The following PLD5 variants were observed in gnomAD, a reference collection of about 807,000 sequenced individuals.
The protein encoded by PLD5 is phospholipase D family member 5.
In PLD5, 36 loss-of-function variants were observed where a neutral mutation model predicts 61.1. The observed-to-expected ratio is 0.59, with a 90% CI of 0.45 to 0.78. The LOEUF (loss-of-function observed/expected upper bound fraction) is 0.78, where lower values mean the gene tolerates loss of function less well. Among genes scored for constraint, PLD5 ranks in the 30% least tolerant of loss-of-function variants. The pLI is 0.00. For missense variants in PLD5, 515 were observed against 644.4 expected, an observed-to-expected ratio of 0.80 and a Z score of 2.17; for synonymous variants, 243 against 242.8, an observed-to-expected ratio of 1.00 and a Z score of -0.01.
chr1:242,106,054 C>G (rs940808329), intron 8 of PLD5, among the ~76,000 whole-genome samples: 2 of 152,136 alleles, frequency 1.3e-5, no homozygotes, highest in Non-Finnish European at 2.9e-5. Flanking sequence ...TGGTTTGAAC[C>G]AGCAGGAGTA....
At chr1:242,366,521 G>T (rs990485379) in intron 1 of PLD5, among the ~76,000 whole-genome samples, 27 of 152,126 alleles carry the variant, frequency 1.8e-4, no homozygotes, top group Non-Finnish European at 3.4e-4. Context: ...CCTTTTCAAG[G>T]AGTTGTATTT....
intron 1 of PLD5, among the ~76,000 whole-genome samples, chr1:242,425,864 C>T (rs944617523): frequency 4.6e-5 from 7 of 151,916 alleles, no homozygotes; most frequent in African/African-American, 9.7e-5. Flanking sequence ...AGGATGGTCT[C>T]GATCTCCTGA....
intron 2 of PLD5, among the ~76,000 whole-genome samples, chr1:242,339,145 A>C (rs915867948): frequency 6.6e-6 from 1 of 152,168 alleles, no homozygotes; most frequent in African/African-American, 2.4e-5. Flanking sequence ...GTAATAATAC[A>C]TATTATCTCA....
At chr1:242,420,050 GCTC>G (rs1665053702) in intron 1 of PLD5, among the ~76,000 whole-genome samples, 1 of 152,060 alleles carries the variant, frequency 6.6e-6, no homozygotes, top group Non-Finnish European at 1.5e-5. Flanking sequence ...TACCTCCAGG[GCTC>G]CTGATTCTTG....
chr1:242,485,451 A>G (rs1667927181), intron 1 of PLD5, among the ~76,000 whole-genome samples: 1 of 152,162 alleles, frequency 6.6e-6, no homozygotes, highest in Admixed American at 6.5e-5. Flanking sequence ...TCATGAGTGA[A>G]CTCTCATCCA....
chr1:242,229,495 C>T (rs777953378), intron 4 of PLD5, among the ~76,000 whole-genome samples: 4 of 152,164 alleles, frequency 2.6e-5, no homozygotes, highest in Non-Finnish European at 4.4e-5. Context: ...CATACAGATA[C>T]ATATATGCAT....
chr1:242,440,965 A>G (rs1666248027), intron 1 of PLD5, among the ~76,000 whole-genome samples: 1 of 152,244 alleles, frequency 6.6e-6, no homozygotes. Flanking sequence ...CCCATTCAGC[A>G]TTATTATAAA....
At chr1:242,470,286 G>C (rs1667405053) in intron 1 of PLD5, among the ~76,000 whole-genome samples, 1 of 151,354 alleles carries the variant, frequency 6.6e-6, no homozygotes, top group South Asian at 2.1e-4. Context: ...AGCTTGCAGT[G>C]AGCCGAGATC....
chr1:242,448,666 T>C (rs370983980), intron 1 of PLD5, among the ~76,000 whole-genome samples: 223 of 152,328 alleles, frequency 1.5e-3, no homozygotes, highest in African/African-American at 4.5e-3. Context: ...AAACATGTTG[T>C]AACTTCCACA....
chr1:242,329,039 C>T (rs879457363), intron 2 of PLD5, among the ~76,000 whole-genome samples: 13 of 150,552 alleles, frequency 8.6e-5, no homozygotes, highest in South Asian at 2.1e-4. Flanking sequence ...GACAGAGTCT[C>T]GCTCTGTCAC....
Position 242,293,413 on chromosome 1 carries a change from C to T in PLD5, c.327-4883G>A, listed in dbSNP as rs149716092. ...TTACATTCAATATGTTATTTTGGAG[C>T]GAGAGACCACGTTCACATAACTTTT... is the stretch of plus-strand genomic sequence containing the variant. On this transcript the variant is annotated intron_variant, in intron 2 of 9. Transcript: ENST00000536534. Among the ~76,000 whole-genome samples, 751 of 152,204 alleles carry T rather than the reference C, an allele frequency of 4.9e-3. 8 individuals carry two copies. The highest frequency in any genetic ancestry group is 0.017 in the African/African-American group (705 of 41,518).
intron 1 of PLD5, among the ~76,000 whole-genome samples, chr1:242,407,366 T>A (rs1348710560): frequency 3.3e-5 from 5 of 152,154 alleles, no homozygotes; most frequent in African/African-American, 9.7e-5. Flanking sequence ...CTAATACATA[T>A]ATCAATACAT....
chr1:242,488,614 T>A (rs934337423), intron 1 of PLD5, among the ~76,000 whole-genome samples: 2 of 152,120 alleles, frequency 1.3e-5, no homozygotes, highest in Admixed American at 6.5e-5. Context: ...GTGAAACTAT[T>A]GTGATGGCAG....
intron 5 of PLD5, among the ~76,000 whole-genome samples, chr1:242,142,925 C>T (rs554603826): frequency 4.6e-5 from 7 of 151,808 alleles, no homozygotes; most frequent in Admixed American, 6.6e-5. Context: ...ACCATGTTGG[C>T]CAGGCTGCTC....
chr1:242,341,283 G>C (rs59679669), intron 2 of PLD5, among the ~76,000 whole-genome samples: 2,768 of 151,622 alleles, frequency 0.018, 63 homozygotes, highest in African/African-American at 0.05. Flanking sequence ...TACTAAACAG[G>C]AAAGTGACAA....
rs1283454967 is a variant in PLD5 at position 242,083,106 on chromosome 1, A to G, written c.*6748T>C. 6.6e-6 allele frequency: 1 copy of G among 152,160 alleles called. No homozygotes were observed. The highest frequency in any genetic ancestry group is 1.5e-5 in the Non-Finnish European group (1 of 68,030). The allele number at this position is 152,160 out of a possible 1,614,324, so 9.4% of individuals were successfully genotyped here. The stretch of plus-strand genomic sequence containing the variant: ...AGTCAAGTATTTCTCCAGTAAGCTA[A>G]GAGCAGAATGGTGAATCAACAAGAC... On this transcript the variant is annotated 3_prime_UTR_variant, in exon 10 of 10. Coordinates refer to ENST00000536534, the MANE Select transcript of PLD5 (RefSeq NM_001372062.1).
intron 1 of PLD5, among the ~76,000 whole-genome samples, chr1:242,382,332 A>C (rs1008742519): frequency 1.3e-5 from 2 of 152,078 alleles, no homozygotes; most frequent in Non-Finnish European, 2.9e-5. Flanking sequence ...TCATCAAGGG[A>C]AAGAATGGAG....
intron 5 of PLD5, among the ~76,000 whole-genome samples, chr1:242,218,193 GC>G (rs1357905893): frequency 6.6e-6 from 1 of 152,108 alleles, no homozygotes; most frequent in Non-Finnish European, 1.5e-5. Flanking sequence ...CAACATTGAG[GC>G]AAAACCCTCC....
At chr1:242,316,921 T>C (rs1325980002) in intron 2 of PLD5, among the ~76,000 whole-genome samples, 2 of 152,194 alleles carry the variant, frequency 1.3e-5, no homozygotes, top group Non-Finnish European at 2.9e-5. Context: ...CAGCTCCCTC[T>C]ATGACCCTGT....
Sources: allele counts gnomAD v4.1 joint callset (sites outside exome capture counted in the v4.1 genomes callset), GRCh38; gene constraint gnomAD v4.1.1; transcripts MANE v1.5; gene names NCBI Gene and HGNC (gene_info 2026-07-23, HGNC 2026-07-21).